TEAD1: variants seen among roughly 807,000 people sequenced by gnomAD.
TEAD1 encodes transcriptional enhancer factor TEF-1.
TEAD1 carries 9 observed loss-of-function variants against 54.9 expected under a neutral mutation model. The ratio of observed to expected loss-of-function variants is 0.16; its 90% CI spans 0.10 to 0.29. The LOEUF is 0.29. Ranked by LOEUF, TEAD1 falls within the 10% of genes least tolerant of loss-of-function variation. The pLI, the probability that TEAD1 is intolerant of heterozygous loss-of-function variation, is 1.00. For synonymous variants in TEAD1, 200 were observed against 187.8 expected (o/e 1.07, Z -0.53); for missense variants, 387 against 535.9 (o/e 0.72, Z 2.74).
At chr11:12,806,674 C>A (rs1361508623) in intron 3 of TEAD1, among the ~76,000 whole-genome samples, 1 of 152,206 alleles carries the variant, frequency 6.6e-6, no homozygotes, top group Non-Finnish European at 1.5e-5. Flanking sequence ...TACTTCAGAG[C>A]TTGAAACCGA....
intron 5 of TEAD1, among the ~76,000 whole-genome samples, chr11:12,866,041 G>A (rs1288277140): frequency 3.9e-5 from 6 of 152,188 alleles, no homozygotes; most frequent in Admixed American, 3.9e-4. Flanking sequence ...CAAGTGATTA[G>A]GAAGGAGCAT....
intron 3 of TEAD1, among the ~76,000 whole-genome samples, chr11:12,825,483 G>A (rs966076979): frequency 6.6e-6 from 1 of 152,078 alleles, no homozygotes; most frequent in African/African-American, 2.4e-5. Context: ...ACAATTCTGA[G>A]GAATAAATTT....
chr11:12,748,771 C>G (rs1944804806), intron 2 of TEAD1, among the ~76,000 whole-genome samples: 1 of 151,048 alleles, frequency 6.6e-6, no homozygotes, highest in Admixed American at 6.6e-5. Context: ...CAGCTCAGCT[C>G]TGGCAGAGGG....
chr11:12,838,339 CCCTAGG>C (rs1946950631), intron 3 of TEAD1, among the ~76,000 whole-genome samples: 1 of 152,160 alleles, frequency 6.6e-6, no homozygotes, highest in African/African-American at 2.4e-5. Context: ...CCAAGAATAT[CCCTAGG>C]CCCTTGATCC....
chr11:12,878,982 T>A, intron 5 of TEAD1: 1 of 1,114,528 alleles, frequency 9.0e-7, no homozygotes, highest in Non-Finnish European at 1.2e-6. Flanking sequence ...GTTGTTAGCC[T>A]TGGCTTTCCT....
intron 2 of TEAD1, among the ~76,000 whole-genome samples, chr11:12,759,075 A>G (rs1232464255): frequency 1.3e-5 from 2 of 152,146 alleles, no homozygotes; most frequent in Admixed American, 1.3e-4. Context: ...GTTGTGTTCA[A>G]TGGCATTTCA....
At chr11:12,911,445 T>G (rs989924193) in intron 10 of TEAD1, among the ~76,000 whole-genome samples, 1 of 152,218 alleles carries the variant, frequency 6.6e-6, no homozygotes, top group African/African-American at 2.4e-5. Flanking sequence ...CGAAATCGTT[T>G]GCTTTCCACA....
chr11:12,794,879 A>C (rs16911601), intron 3 of TEAD1, among the ~76,000 whole-genome samples: 2 of 152,332 alleles, frequency 1.3e-5, no homozygotes, highest in African/African-American at 2.4e-5. Flanking sequence ...GCTTATCCCT[A>C]GTACCTCTGA....
At chr11:12,771,217 A>G (rs1945305001) in intron 3 of TEAD1, among the ~76,000 whole-genome samples, 1 of 152,158 alleles carries the variant, frequency 6.6e-6, no homozygotes, top group Admixed American at 6.5e-5. Context: ...AGGAGCCAGC[A>G]TTGTGTCGTT....
At chr11:12,896,129 T>C (rs1440414473) in intron 9 of TEAD1, among the ~76,000 whole-genome samples, 3 of 152,244 alleles carry the variant, frequency 2.0e-5, no homozygotes, top group Admixed American at 2.0e-4. Flanking sequence ...TCCTTAATTG[T>C]AAAACGTTTT....
rs183272824 is a variant in TEAD1 at position 12,861,347 on chromosome 11, T to C, written c.203-903T>C. On this transcript the variant is annotated intron_variant, in intron 3 of 12. Transcript: ENST00000527636. ...GGTTTTTGTTTATACTTTTGGGCAT[T>C]GTTCTTTCCCCAGAAGGTTATATAA... Among the ~76,000 whole-genome samples, 3 of 152,320 alleles carry C rather than the reference T, an allele frequency of 2.0e-5. No individual in the cohort carries two copies. The East Asian group carries it at 5.8e-4, about 29-fold the overall frequency.
intron 3 of TEAD1, among the ~76,000 whole-genome samples, chr11:12,773,725 T>A (rs574977913): frequency 6.6e-6 from 1 of 152,350 alleles, no homozygotes; most frequent in East Asian, 1.9e-4. Context: ...TCTTTTCATC[T>A]TTTCTCATGG....
chr11:12,925,105 TC>T, intron 11 of TEAD1, 53 bp downstream of exon 11: 1 of 1,603,234 alleles, frequency 6.2e-7, no homozygotes, highest in Non-Finnish European at 8.5e-7. Context: ...ACTGTTGCCT[TC>T]CTTTAAACCT....
Position 12,879,734 on chromosome 11 carries a change from G to A in TEAD1, c.357G>A (p.Leu119=), listed in dbSNP as rs1947927703. Reference sequence around the variant, plus strand: ...ATCAGACTGCAAAGGATAAGGCCCTGCAGCACATGGCGGCCATGTCCTCAG... The same window carrying A: ...ATCAGACTGCAAAGGATAAGGCCCTACAGCACATGGCGGCCATGTCCTCAG... Residue 119 remains leucine, a synonymous_variant, in exon 6 of 13, where the codon CTG becomes CTA. Coordinates refer to ENST00000527636, the MANE Select transcript of TEAD1 (RefSeq NM_021961.6). 1.2e-6 allele frequency: 2 copies of A among 1,614,208 alleles called. No individual in the cohort carries two copies. Among genetic ancestry groups the A allele is most frequent in the Non-Finnish European group, 1.7e-6 (2 of 1,180,046 alleles).
chr11:12,733,367 C>T (rs1944461876), intron 2 of TEAD1, among the ~76,000 whole-genome samples: 1 of 152,156 alleles, frequency 6.6e-6, no homozygotes, highest in African/African-American at 2.4e-5. Context: ...TGCAGCAGCT[C>T]TGGGGCCCCT....
chr11:12,791,518 G>C (rs1219573217), intron 3 of TEAD1, among the ~76,000 whole-genome samples: 2 of 152,146 alleles, frequency 1.3e-5, no homozygotes, highest in African/African-American at 4.8e-5. Context: ...CCTTCTTATA[G>C]ACGGTTTTGT....
chr11:12,809,577 C>T (rs1020673811), intron 3 of TEAD1, among the ~76,000 whole-genome samples: 1 of 151,810 alleles, frequency 6.6e-6, no homozygotes, highest in African/African-American at 2.4e-5. Flanking sequence ...TAGGAACTCT[C>T]CACCCTTGAG....
At position 12,674,816 on chromosome 11, in the gene TEAD1, G is replaced by C. The variant is rs1135606; in HGVS notation, c.-226G>C. 1,568 of 151,192 alleles carry C rather than the reference G, an allele frequency of 0.01. 30 individuals are homozygous for C. The highest frequency in any genetic ancestry group is 0.054 in the South Asian group (262 of 4,836). 9.4% of individuals were successfully genotyped at this position (151,192 alleles called of 1,614,324 possible). ...TTGCCTCGGACTCGCCGGGCGCTGC[G>C]GTGGCTCCCTGGGCCGAGGTAAGTT... is the stretch of plus-strand genomic sequence containing the variant. On this transcript the variant is annotated 5_prime_UTR_variant, in exon 1 of 13. Coordinates refer to ENST00000527636, the MANE Select transcript of TEAD1 (RefSeq NM_021961.6).
At chr11:12,736,219 T>C (rs951834944) in intron 2 of TEAD1, among the ~76,000 whole-genome samples, 1 of 152,224 alleles carries the variant, frequency 6.6e-6, no homozygotes, top group Non-Finnish European at 1.5e-5. Flanking sequence ...TCTCATTTAC[T>C]ATTTCTATTC....
Sources: gnomAD v4.1 joint callset for allele counts (sites outside exome capture counted in the v4.1 genomes callset) on GRCh38, gnomAD v4.1.1 for gene constraint, MANE v1.5 for transcripts, NCBI Gene and HGNC (gene_info 2026-07-23, HGNC 2026-07-21) for gene names.